Variants in TP63 observed in about 807,000 individuals in gnomAD.
The protein encoded by TP63 is tumor protein p63.
In TP63, 17 loss-of-function variants were observed where a neutral mutation model predicts 82.8. The observed-to-expected ratio is 0.21, with a 90% confidence interval of 0.14 to 0.31. The LOEUF is 0.31. Ranked by LOEUF, TP63 falls within the 10% of genes least tolerant of loss-of-function variation. TP63 has a pLI of 1.00. For synonymous variants in TP63, 330 were observed against 321.7 expected (o/e 1.03, Z -0.28); for missense variants, 648 against 895.3 (o/e 0.72, Z 3.52).
intron 1 of TP63, among the ~76,000 whole-genome samples, chr3:189,660,151 T>G (rs1036310510): frequency 5.3e-5 from 8 of 152,006 alleles, no homozygotes; most frequent in African/African-American, 1.9e-4. Flanking sequence ...GAAAGATGTA[T>G]CTAAGTTTTC....
At chr3:189,725,743 A>G (rs182742154) in intron 1 of TP63, among the ~76,000 whole-genome samples, 12 of 152,306 alleles carry the variant, frequency 7.9e-5, no homozygotes, top group South Asian at 2.1e-4. Context: ...CAACACATAC[A>G]TAGCCAATAC....
At chr3:189,818,804 CAG>C (rs1234609425) in intron 4 of TP63, among the ~76,000 whole-genome samples, 1 of 152,088 alleles carries the variant, frequency 6.6e-6, no homozygotes, top group African/African-American at 2.4e-5. Context: ...CTCCCCAAAA[CAG>C]AGTAGTCTTG....
intron 3 of TP63, among the ~76,000 whole-genome samples, chr3:189,740,710 G>A (rs1006190482): frequency 4.6e-5 from 7 of 152,066 alleles, no homozygotes; most frequent in Admixed American, 1.3e-4. Context: ...ATGTTGGCCA[G>A]GCTGGTCTCG....
intron 1 of TP63, among the ~76,000 whole-genome samples, chr3:189,668,353 A>G (rs1017575142): frequency 4.0e-5 from 6 of 149,454 alleles, no homozygotes; most frequent in African/African-American, 1.5e-4. Flanking sequence ...ATCAAATAAA[A>G]ACTTAAAGGA....
intron 4 of TP63, among the ~76,000 whole-genome samples, chr3:189,856,628 T>A (rs76618242): frequency 0.029 from 4,439 of 152,084 alleles, 214 homozygotes; most frequent in African/African-American, 0.1. Context: ...GGAAGGCATC[T>A]ACAAAAAGCT....
In TP63 at chr3:189,885,602, G is replaced by A. The variant is rs573566891; in HGVS notation, c.1350-792G>A. Reference sequence around the variant, plus strand: ...ATAAAACATCAGGAATGACAGTTGAGTTGGGAATATTATCTGTTAGATATA... The same window carrying A: ...ATAAAACATCAGGAATGACAGTTGAATTGGGAATATTATCTGTTAGATATA... On this transcript the variant is annotated intron_variant, in intron 10 of 13. Coordinates refer to ENST00000264731, the MANE Select transcript of TP63 (RefSeq NM_003722.5). Among the ~76,000 whole-genome samples the A allele has an allele frequency of 6.6e-5, 10 of 152,314 alleles. No homozygotes were observed. In the South Asian group the frequency reaches 1.7e-3, roughly 25 times the overall value.
Position 189,895,501 on chromosome 3 carries a change from C to G in TP63, c.*999C>G, listed in dbSNP as rs917146498. The G allele has an allele frequency of 4.5e-6, 1 of 219,844 alleles. No individual in the cohort carries two copies. The highest frequency in any genetic ancestry group is 2.2e-5 in the African/African-American group (1 of 44,610). The allele number at this position is 219,844 out of a possible 1,614,324, so 13.6% of individuals were successfully genotyped here. A position where few individuals can be genotyped will look rare whatever the true frequency, so the allele number is the denominator to read the frequency against. On this transcript the variant is annotated 3_prime_UTR_variant, in exon 14 of 14. Transcript: ENST00000264731. ...CACATTTGCTACTGTTGTAAGAATT[C>G]TGATTGATTTGATTGGGATGAATGC... is the stretch of plus-strand genomic sequence containing the variant.
At chr3:189,824,431 C>A (rs561041156) in intron 4 of TP63, among the ~76,000 whole-genome samples, 29 of 152,034 alleles carry the variant, frequency 1.9e-4, no homozygotes, top group African/African-American at 6.8e-4. Context: ...TGGGGTTTCA[C>A]CATGTTGGCC....
intron 3 of TP63, among the ~76,000 whole-genome samples, chr3:189,793,549 GA>G (rs1283601202): frequency 6.6e-6 from 1 of 152,022 alleles, no homozygotes; most frequent in South Asian, 2.1e-4. Flanking sequence ...AAACAGTTGA[GA>G]AATATGTTAC....
chr3:189,838,794 T>G (rs1368978318), intron 4 of TP63, among the ~76,000 whole-genome samples: 3 of 152,194 alleles, frequency 2.0e-5, no homozygotes. Context: ...CTTTCCTTTT[T>G]GGCAGTATCT....
chr3:189,832,132 A>C (rs1712461680), intron 4 of TP63, among the ~76,000 whole-genome samples: 1 of 152,040 alleles, frequency 6.6e-6, no homozygotes, highest in Non-Finnish European at 1.5e-5. Context: ...GCCCAGCACT[A>C]TAATGCTTTT....
chr3:189,869,750 T>A (rs921237219), intron 9 of TP63, among the ~76,000 whole-genome samples: 18 of 151,642 alleles, frequency 1.2e-4, no homozygotes, highest in African/African-American at 3.9e-4. Flanking sequence ...AAAATCCCAT[T>A]TATGAAGGCT....
At chr3:189,884,723 A>G (rs1222331188) in intron 10 of TP63, among the ~76,000 whole-genome samples, 1 of 152,216 alleles carries the variant, frequency 6.6e-6, no homozygotes, top group Non-Finnish European at 1.5e-5. Flanking sequence ...AGAAAAGTCA[A>G]TGCCCTCCTA....
intron 4 of TP63, among the ~76,000 whole-genome samples, chr3:189,822,835 G>A (rs1406822527): frequency 3.9e-5 from 6 of 152,098 alleles, no homozygotes; most frequent in Admixed American, 3.3e-4. Context: ...TGTCCCCAAA[G>A]GCACAATAAC....
At position 189,866,853 on chromosome 3, in the gene TP63, G is replaced by A. The variant is rs781021074; in HGVS notation, c.882+56G>A. On this transcript the variant is annotated intron_variant, in intron 6 of 13. Coordinates refer to ENST00000264731, the MANE Select transcript of TP63 (RefSeq NM_003722.5). ...ACACCTCTATGGACTGAGTAGACTTGAGAGAACATCTGTTTCAGCAACAGG... is the reference window on the plus strand; with the variant it reads ...ACACCTCTATGGACTGAGTAGACTTAAGAGAACATCTGTTTCAGCAACAGG... 2.5e-5 allele frequency: 34 copies of A among 1,387,308 alleles called. 1 individual carries two copies. The highest frequency in any genetic ancestry group is 1.1e-4 in the African/African-American group (8 of 70,244). The allele number at this position is 1,387,308 out of a possible 1,614,324, so 85.9% of individuals were successfully genotyped here. A position where few individuals can be genotyped will look rare whatever the true frequency, so the allele number is the denominator to read the frequency against.
chr3:189,719,153 C>T (rs565809975), intron 1 of TP63, among the ~76,000 whole-genome samples: 1 of 152,112 alleles, frequency 6.6e-6, no homozygotes, highest in African/African-American at 2.4e-5. Flanking sequence ...GAAAAACCTG[C>T]CCACAGAAAA....
chr3:189,816,473 G>A (rs1329758240), intron 4 of TP63, among the ~76,000 whole-genome samples: 2 of 152,138 alleles, frequency 1.3e-5, no homozygotes, highest in Non-Finnish European at 2.9e-5. Context: ...AAGGGCCGAT[G>A]TATGTTTCTC....
rs146128669 is a variant in TP63 at position 189,695,891 on chromosome 3, C to T, written c.63-41849C>T. Among the ~76,000 whole-genome samples the T allele has an allele frequency of 3.5e-3, 538 of 152,216 alleles. 5 individuals are homozygous for T. The highest frequency in any genetic ancestry group is 4.4e-3 in the Non-Finnish European group (302 of 68,012). On this transcript the variant is annotated intron_variant, in intron 1 of 13. Transcript: ENST00000264731. ...TATATCGTTCATTCGGTTCATTTTACGTTAAATTTTATAGATTCGCTAACT... is the reference window on the plus strand; with the variant it reads ...TATATCGTTCATTCGGTTCATTTTATGTTAAATTTTATAGATTCGCTAACT...
intron 3 of TP63, among the ~76,000 whole-genome samples, chr3:189,763,607 A>G (rs1722738604): frequency 6.6e-6 from 1 of 152,196 alleles, no homozygotes; most frequent in South Asian, 2.1e-4. Flanking sequence ...TTTGTATTTG[A>G]AAGCTCAGGA....
Sources: gnomAD v4.1 joint callset for allele counts (sites outside exome capture counted in the v4.1 genomes callset) on GRCh38, gnomAD v4.1.1 for gene constraint, MANE v1.5 for transcripts, NCBI Gene and HGNC (gene_info 2026-07-23, HGNC 2026-07-21) for gene names.